The following FSD1L variants were observed in gnomAD, a reference collection of about 807,000 sequenced individuals.
FSD1L encodes FSD1-like protein.
Under a neutral mutation model 71.6 loss-of-function variants are expected in FSD1L, and 45 were observed. That is an observed-to-expected ratio of 0.63 (90% CI 0.49 to 0.81). FSD1L has a LOEUF of 0.81. Ranked by LOEUF, FSD1L falls within the 30% of genes least tolerant of loss-of-function variation. The probability of loss-of-function intolerance (pLI) is 0.00; values close to 1 mark genes in which losing one functional copy is unlikely to be tolerated. For synonymous variants in FSD1L, 197 were observed against 207.2 expected (o/e 0.95, Z 0.42); for missense variants, 561 against 618.1 (o/e 0.91, Z 0.98).
chr9:105,502,526 A>G (rs1207084431), intron 7 of FSD1L, among the ~76,000 whole-genome samples: 2 of 152,060 alleles, frequency 1.3e-5, no homozygotes, highest in African/African-American at 2.4e-5. Flanking sequence ...TTTTTCCCCC[A>G]TAATGTTTTC....
rs775499768 is a variant in FSD1L at position 105,448,064 on chromosome 9, G to T, written c.-157G>T. The T allele has an allele frequency of 7.5e-6, 6 of 801,996 alleles. No homozygotes were observed. The highest frequency in any genetic ancestry group is 1.8e-5 in the African/African-American group (1 of 54,624). The allele number at this position is 801,996 out of a possible 1,614,324, so 49.7% of individuals were successfully genotyped here. A position where few individuals can be genotyped will look rare whatever the true frequency, so the allele number is the denominator to read the frequency against. On this transcript the variant is annotated 5_prime_UTR_variant, in exon 1 of 14. Coordinates refer to ENST00000481272, the MANE Select transcript of FSD1L (RefSeq NM_001145313.3). Reference sequence around the variant, plus strand: ...ACCCTGGCAACCGCGGCGTGACTACGGCGCGCGCGGTCTGGGCGCGGACGG... The same window carrying T: ...ACCCTGGCAACCGCGGCGTGACTACTGCGCGCGCGGTCTGGGCGCGGACGG...
intron 13 of FSD1L, among the ~76,000 whole-genome samples, chr9:105,540,408 CAA>C (rs2131516457): frequency 6.6e-6 from 1 of 152,158 alleles, no homozygotes; most frequent in South Asian, 2.1e-4. Flanking sequence ...GTTTGATAAA[CAA>C]AAGTTAATTT....
chr9:105,455,529 G>T (rs1830305507), intron 1 of FSD1L, among the ~76,000 whole-genome samples: 2 of 152,050 alleles, frequency 1.3e-5, no homozygotes, highest in African/African-American at 4.8e-5. Flanking sequence ...CTTTCCTCTG[G>T]TTGCAGGAAC....
intron 13 of FSD1L, among the ~76,000 whole-genome samples, chr9:105,546,058 G>T (rs1836982111): frequency 6.6e-6 from 1 of 151,918 alleles, no homozygotes; most frequent in Admixed American, 6.6e-5. Flanking sequence ...GTAATGATAG[G>T]TAATACCTTT....
chr9:105,517,603 G>T (rs1030088945), intron 10 of FSD1L, among the ~76,000 whole-genome samples: 2 of 152,154 alleles, frequency 1.3e-5, no homozygotes, highest in Non-Finnish European at 2.9e-5. Flanking sequence ...TTACAGACAA[G>T]CAAATGCTGA....
chr9:105,531,949 CTTT>C (rs1275056527), intron 10 of FSD1L, among the ~76,000 whole-genome samples: 1 of 152,144 alleles, frequency 6.6e-6, no homozygotes, highest in East Asian at 1.9e-4. Context: ...TTTCACACCT[CTTT>C]TTAAGAAAAG....
chr9:105,512,505 G>A (rs562225834), intron 9 of FSD1L, among the ~76,000 whole-genome samples: 26 of 152,138 alleles, frequency 1.7e-4, no homozygotes, highest in African/African-American at 6.3e-4. Context: ...GGAAATTTAG[G>A]TTACTGTGTA....
intron 10 of FSD1L, chr9:105,523,568 C>T (rs1044833797): frequency 2.3e-5 from 37 of 1,611,806 alleles, no homozygotes; most frequent in African/African-American, 1.9e-4. Flanking sequence ...GAGATAACCT[C>T]GGCATTTCAG....
rs1008774198 is a variant in FSD1L at position 105,524,587 on chromosome 9, A to T, written c.1026-9906A>T. Reference sequence around the variant, plus strand: ...GTTTATGGAGCTCAGTGTTTTAGCAATCCAAGGTATTTTCCCATGAGCCTC... The same window carrying T: ...GTTTATGGAGCTCAGTGTTTTAGCATTCCAAGGTATTTTCCCATGAGCCTC... On this transcript the variant is annotated intron_variant, in intron 10 of 13. Transcript: ENST00000481272. The T allele has an allele frequency of 1.9e-6, 3 of 1,613,792 alleles. No individual in the cohort carries two copies. In the South Asian group the frequency reaches 3.3e-5, roughly 18 times the overall value.
intron 6 of FSD1L, among the ~76,000 whole-genome samples, chr9:105,481,432 C>T (rs1191195973): frequency 6.7e-6 from 1 of 149,884 alleles, no homozygotes; most frequent in Non-Finnish European, 1.5e-5. Context: ...TTACAGGCAC[C>T]TGCCACCACA....
At chr9:105,514,511 G>T (rs1007946884) in intron 10 of FSD1L, among the ~76,000 whole-genome samples, 2 of 152,212 alleles carry the variant, frequency 1.3e-5, no homozygotes, top group Non-Finnish European at 2.9e-5. Context: ...TTATGTAGAT[G>T]AGATGTATGT....
Position 105,535,148 on chromosome 9 carries a change from C to T in FSD1L, c.1208C>T (p.Ala403Val). The T allele has an allele frequency of 6.4e-7, 1 of 1,551,880 alleles. No homozygotes were observed. The highest frequency in any genetic ancestry group is 1.4e-5 in the African/African-American group (1 of 73,162). The part of the protein sequence containing the change: ...KDCKSYSVGV[A>V]YKTLGKFDQL... Reference sequence around the variant, plus strand: ...TGTAAATCCTACAGTGTGGGAGTAGCATACAAAACGTTGGGGAAATTTGAC... The same window carrying T: ...TGTAAATCCTACAGTGTGGGAGTAGTATACAAAACGTTGGGGAAATTTGAC... The change falls in exon 12 of 14, where the codon GCA becomes GTA. Residue 403 changes from alanine (A) to valine (V), a missense_variant. Transcript: ENST00000481272.
At chr9:105,461,709 A>C (rs1184318310) in intron 2 of FSD1L, 94 bp downstream of exon 2, 1 of 720,796 alleles carries the variant, frequency 1.4e-6, no homozygotes, top group Non-Finnish European at 2.3e-6. Flanking sequence ...ATTAAAAAAC[A>C]GGAACATTAA....
intron 1 of FSD1L, among the ~76,000 whole-genome samples, chr9:105,456,688 T>C (rs973782936): frequency 1.4e-4 from 21 of 152,220 alleles, no homozygotes; most frequent in African/African-American, 5.1e-4. Flanking sequence ...GTTGTTGTTA[T>C]GAGGGCCTGG....
intron 10 of FSD1L, among the ~76,000 whole-genome samples, chr9:105,528,770 A>G (rs1486023151): frequency 6.6e-6 from 1 of 152,240 alleles, no homozygotes; most frequent in Non-Finnish European, 1.5e-5. Context: ...CAAAAGCCAG[A>G]ATTGACAAAT....
Position 105,484,418 on chromosome 9 carries a change from C to G in FSD1L, c.502C>G (p.Pro168Ala). The G allele has an allele frequency of 6.5e-7, 1 of 1,527,006 alleles. No individual in the cohort carries two copies. Among genetic ancestry groups the G allele is most frequent in the South Asian group, 1.3e-5 (1 of 78,838 alleles). The allele number at this position is 1,527,006 out of a possible 1,614,324, so 94.6% of individuals were successfully genotyped here. The change falls in exon 7 of 14, where the codon CCA (proline) becomes GCA (alanine). Residue 168 changes from proline to alanine, a missense_variant. Pro to Ala is a conservative substitution (Grantham distance 27, BLOSUM62 -1). Around this residue, in one of 3 missense-constraint regions of FSD1L, gnomAD observed 410 missense variants for 413.5 expected, o/e 0.99. Transcript: ENST00000481272. ...TTCAGCCTTTCGCCTTTCTTTGAAACCAAAGGTCAGTGACAACATGACTCA... is the reference window on the plus strand; with the variant it reads ...TTCAGCCTTTCGCCTTTCTTTGAAAGCAAAGGTCAGTGACAACATGACTCA... ...MASAFRLSLK[P>A]KVSDNMTHLM...
chr9:105,481,498 C>T (rs945053483), intron 6 of FSD1L, among the ~76,000 whole-genome samples: 1 of 151,790 alleles, frequency 6.6e-6, no homozygotes, highest in African/African-American at 2.4e-5. Flanking sequence ...ACCATGTTGG[C>T]CAGGCTCGTC....
chr9:105,443,072 A>C (rs1488404626), upstream of FSD1L, among the ~76,000 whole-genome samples: 1 of 152,184 alleles, frequency 6.6e-6, no homozygotes, highest in African/African-American at 2.4e-5. Context: ...TTCACTAGTC[A>C]GGTTTGTGTC....
intron 10 of FSD1L, chr9:105,521,237 A>T: frequency 6.2e-7 from 1 of 1,614,232 alleles, no homozygotes; most frequent in Non-Finnish European, 8.5e-7. Flanking sequence ...CTGGGATGGA[A>T]GGTGAAGTCT....
Sources: allele counts gnomAD v4.1 joint callset (sites outside exome capture counted in the v4.1 genomes callset), GRCh38; gene constraint gnomAD v4.1.1; regional missense constraint gnomAD v4.1.1; transcripts MANE v1.5; gene names NCBI Gene and HGNC (gene_info 2026-07-23, HGNC 2026-07-21).